VPS41: variants seen among roughly 807,000 people sequenced by gnomAD.
VPS41 encodes the protein vacuolar protein sorting-associated protein 41 homolog.
VPS41 carries 85 observed loss-of-function variants against 130.9 expected under a neutral mutation model. The ratio of observed to expected loss-of-function variants is 0.65; its 90% CI spans 0.55 to 0.78. The LOEUF (loss-of-function observed/expected upper bound fraction) is 0.78, where lower values mean the gene tolerates loss of function less well. Among genes scored for constraint, VPS41 ranks in the 30% least tolerant of loss-of-function variants. The pLI is 0.00. For synonymous variants in VPS41, 335 were observed against 332.9 expected (o/e 1.01, Z -0.07); for missense variants, 874 against 1,018.7 (o/e 0.86, Z 1.93).
At chr7:38,846,449 G>C (rs552938650) in intron 4 of VPS41, among the ~76,000 whole-genome samples, 8 of 152,292 alleles carry the variant, frequency 5.3e-5, no homozygotes, top group East Asian at 1.9e-4. Flanking sequence ...ATTTGCGTAC[G>C]CAAAGACAAG....
At chr7:38,893,201 T>C (rs1786904314) in intron 2 of VPS41, among the ~76,000 whole-genome samples, 1 of 152,172 alleles carries the variant, frequency 6.6e-6, no homozygotes, top group Admixed American at 6.5e-5. Context: ...GCCCCACCCT[T>C]CTACACTACA....
chr7:38,756,213 T>TACACACACACACACAC (rs3839727), intron 19 of VPS41, among the ~76,000 whole-genome samples: 11 of 146,654 alleles, frequency 7.5e-5, no homozygotes, highest in African/African-American at 2.3e-4. Flanking sequence ...AGATTTCTTT[T>TACACACACACACACAC]ACACACACAC....
intron 5 of VPS41, 85 bp from the exon 6 acceptor site, chr7:38,821,350 GA>G: frequency 1.0e-5 from 9 of 882,536 alleles, no homozygotes; most frequent in Non-Finnish European, 1.6e-5. Flanking sequence ...CTATCAATAA[GA>G]AAAGTAGAAT....
intron 2 of VPS41, among the ~76,000 whole-genome samples, chr7:38,882,407 G>A (rs2116384602): frequency 6.6e-6 from 1 of 152,196 alleles, no homozygotes; most frequent in Non-Finnish European, 1.5e-5. Context: ...ACCCCTCAGG[G>A]TCCAGGAATC....
intron 4 of VPS41, among the ~76,000 whole-genome samples, chr7:38,857,454 C>T (rs1287352060): frequency 6.6e-6 from 1 of 152,188 alleles, no homozygotes; most frequent in East Asian, 1.9e-4. Context: ...CTCACTAGCA[C>T]ACTTAAAGGA....
Position 38,725,174 on chromosome 7 carries a change from G to A in VPS41, c.*1072C>T, listed in dbSNP as rs964680985. ...TTTGTTCCCATTTATGGGACTAAGA[G>A]ATCAGGAACAATAAGGATGTGTTTT... On this transcript the variant is annotated 3_prime_UTR_variant, in exon 29 of 29. Transcript: ENST00000310301. 6 of 152,244 alleles carry A rather than the reference G, an allele frequency of 3.9e-5. No individual in the cohort carries two copies. The highest frequency in any genetic ancestry group is 1.4e-4 in the African/African-American group (6 of 41,456). The allele number at this position is 152,244 out of a possible 1,614,324, so 9.4% of individuals were successfully genotyped here.
At chr7:38,727,036 G>T in intron 27 of VPS41, 48 bp from the exon 28 acceptor site, 1 of 1,448,972 alleles carries the variant, frequency 6.9e-7, no homozygotes, top group South Asian at 1.5e-5. Context: ...CAACAAGCAA[G>T]ATCATTTTAA....
chr7:38,826,781 A>G (rs902500716), intron 5 of VPS41, among the ~76,000 whole-genome samples: 2 of 152,154 alleles, frequency 1.3e-5, no homozygotes, highest in African/African-American at 4.8e-5. Context: ...TCTATGGCAT[A>G]TAAAAAGTAG....
intron 4 of VPS41, among the ~76,000 whole-genome samples, chr7:38,849,120 A>C (rs1444797504): frequency 1.3e-5 from 2 of 152,184 alleles, no homozygotes; most frequent in Non-Finnish European, 2.9e-5. Flanking sequence ...ACATACAAAG[A>C]ATATTGAAAC....
At chr7:38,799,653 T>C (rs1584401787) in intron 7 of VPS41, among the ~76,000 whole-genome samples, 1 of 152,050 alleles carries the variant, frequency 6.6e-6, no homozygotes, top group South Asian at 2.1e-4. Context: ...ATAATTTTAA[T>C]GCAAGTCCAA....
intron 1 of VPS41, among the ~76,000 whole-genome samples, chr7:38,898,625 A>G (rs993604713): frequency 4.6e-5 from 7 of 152,270 alleles, no homozygotes; most frequent in African/African-American, 1.7e-4. Flanking sequence ...GACCCTGTGT[A>G]AACAAGCTGT....
intron 21 of VPS41, among the ~76,000 whole-genome samples, chr7:38,754,056 T>C (rs890664198): frequency 1.3e-5 from 2 of 152,224 alleles, no homozygotes; most frequent in African/African-American, 2.4e-5. Context: ...ATTCCTGCTT[T>C]ACTCTCATGA....
intron 2 of VPS41, among the ~76,000 whole-genome samples, chr7:38,886,918 G>A (rs1786744461): frequency 6.6e-6 from 1 of 152,174 alleles, no homozygotes; most frequent in South Asian, 2.1e-4. Flanking sequence ...AACTGCAACA[G>A]ACCTGCAGCT....
chr7:38,798,989 A>G (rs920528229), intron 7 of VPS41, among the ~76,000 whole-genome samples: 1 of 152,076 alleles, frequency 6.6e-6, no homozygotes, highest in African/African-American at 2.4e-5. Context: ...GAATGCCACA[A>G]CACCCCCTAC....
intron 13 of VPS41, among the ~76,000 whole-genome samples, chr7:38,771,702 T>C (rs1173141311): frequency 6.6e-6 from 1 of 152,214 alleles, no homozygotes; most frequent in Non-Finnish European, 1.5e-5. Flanking sequence ...TGTTTATGTA[T>C]ATCTAAAATT....
chr7:38,828,837 T>TG (rs1785331184), intron 5 of VPS41, among the ~76,000 whole-genome samples: 1 of 152,200 alleles, frequency 6.6e-6, no homozygotes, highest in African/African-American at 2.4e-5. Flanking sequence ...ATCCACCAGA[T>TG]GGAGTAGCTA....
intron 14 of VPS41, among the ~76,000 whole-genome samples, chr7:38,768,622 G>C (rs966061961): frequency 6.6e-6 from 1 of 152,164 alleles, no homozygotes; most frequent in African/African-American, 2.4e-5. Flanking sequence ...TATAGGAACA[G>C]AAGTGAAGAA....
intron 24 of VPS41, 30 bp downstream of exon 24, chr7:38,743,372 G>A: frequency 2.5e-6 from 4 of 1,612,804 alleles, no homozygotes; most frequent in Non-Finnish European, 3.4e-6. Context: ...AGAAAAAAAA[G>A]TTATAACCAG....
At chr7:38,736,580 T>TGCCA (rs1795771837) in intron 25 of VPS41, among the ~76,000 whole-genome samples, 1 of 152,236 alleles carries the variant, frequency 6.6e-6, no homozygotes, top group Non-Finnish European at 1.5e-5. Flanking sequence ...TGGCATAAAC[T>TGCCA]GCCAGTACAA....
Sources: gnomAD v4.1 joint callset for allele counts (sites outside exome capture counted in the v4.1 genomes callset) on GRCh38, gnomAD v4.1.1 for gene constraint, MANE v1.5 for transcripts, NCBI Gene and HGNC (gene_info 2026-07-23, HGNC 2026-07-21) for gene names.